PTPRN2: variants seen among roughly 807,000 people sequenced by gnomAD.
The protein encoded by PTPRN2 is protein tyrosine phosphatase receptor type N2.
Under a neutral mutation model 118.8 loss-of-function variants are expected in PTPRN2, and 74 were observed. The ratio of observed to expected loss-of-function variants is 0.62; its 90% CI spans 0.52 to 0.76. PTPRN2 has a LOEUF of 0.76. Among genes scored for constraint, PTPRN2 ranks in the 30% least tolerant of loss-of-function variants. The pLI, the probability that PTPRN2 is intolerant of heterozygous loss-of-function variation, is 0.00. For missense variants in PTPRN2, 1,481 were observed against 1,394.4 expected (o/e 1.06, Z -0.99); for synonymous variants, 641 against 608.0 (o/e 1.05, Z -0.80).
chr7:158,235,942 G>A (rs1239954702), intron 3 of PTPRN2, among the ~76,000 whole-genome samples: 1 of 152,162 alleles, frequency 6.6e-6, no homozygotes, highest in Non-Finnish European at 1.5e-5. Context: ...GCAGGAAGCA[G>A]CCGGTGTGAC....
intron 10 of PTPRN2, among the ~76,000 whole-genome samples, chr7:158,085,044 GACA>G (rs1196654273): frequency 1.7e-5 from 2 of 117,530 alleles, no homozygotes; most frequent in South Asian, 2.9e-4. Flanking sequence ...CCACACCCAC[GACA>G]CCCATCCACA....
At chr7:158,246,083 A>G (rs1470172765) in intron 3 of PTPRN2, among the ~76,000 whole-genome samples, 2 of 152,034 alleles carry the variant, frequency 1.3e-5, no homozygotes, top group Non-Finnish European at 2.9e-5. Context: ...ATTGTGTGAA[A>G]CCAAAATTCA....
At chr7:158,146,310 T>C (rs1366415667) in intron 6 of PTPRN2, among the ~76,000 whole-genome samples, 1 of 152,058 alleles carries the variant, frequency 6.6e-6, no homozygotes. Flanking sequence ...AATATGAACC[T>C]CTCATTAAAG....
At chr7:157,612,838 G>T (rs1802453992) in intron 15 of PTPRN2, among the ~76,000 whole-genome samples, 3 of 152,340 alleles carry the variant, frequency 2.0e-5, no homozygotes, top group South Asian at 4.1e-4. Context: ...CATCCACAGA[G>T]GCGCTGGGGT....
rs938306109 is a variant in PTPRN2, at chr7:157,801,341, G to A, written c.1788+97332C>T. ...AGGCAGGATGAACGGCCTCATCCAC[G>A]GAGCACTGCTTTGCCGTCTCCAGAA... On this transcript the variant is annotated intron_variant, in intron 12 of 22. Transcript: ENST00000389418. This position sits in a 1 kb window ranked among gnomAD's most constrained non-coding sequence, Gnocchi z 4.2. Among the ~76,000 whole-genome samples, 2 of 152,118 alleles carry A rather than the reference G, an allele frequency of 1.3e-5. No individual in the cohort carries two copies. The highest frequency in any genetic ancestry group is 2.4e-5 in the African/African-American group (1 of 41,394).
chr7:157,751,472 A>G (rs1443892796), intron 12 of PTPRN2, among the ~76,000 whole-genome samples: 2 of 152,182 alleles, frequency 1.3e-5, no homozygotes, highest in African/African-American at 2.4e-5. Context: ...GAAAGCCGGC[A>G]GCTCGCAGGA....
chr7:157,896,879 G>A (rs1797160887), intron 12 of PTPRN2, among the ~76,000 whole-genome samples: 1 of 152,068 alleles, frequency 6.6e-6, no homozygotes, highest in Non-Finnish European at 1.5e-5. Context: ...TGGACACCAG[G>A]CACCACACTT....
chr7:158,165,884 T>C (rs980490034), intron 6 of PTPRN2, among the ~76,000 whole-genome samples: 7 of 152,166 alleles, frequency 4.6e-5, no homozygotes, highest in Non-Finnish European at 7.4e-5. Context: ...AGCCACGGTC[T>C]TGGCAGAGCA....
chr7:158,189,040 G>A (rs2150693011), intron 5 of PTPRN2, among the ~76,000 whole-genome samples: 1 of 152,250 alleles, frequency 6.6e-6, no homozygotes, highest in Middle Eastern at 3.4e-3. Flanking sequence ...CTTTCCCCAG[G>A]GGCTGCTATG....
rs1563116409 is a variant in PTPRN2, at chr7:157,794,423, G to A, written c.1788+104250C>T. On this transcript the variant is annotated intron_variant, in intron 12 of 22. Coordinates refer to ENST00000389418, the MANE Select transcript of PTPRN2 (RefSeq NM_002847.5). The surrounding 1 kb of genome is among the most constrained non-coding windows in gnomAD (Gnocchi z 5.2). ...GGTGACCAATTATAGCGTCGACGAT[G>A]GCAGCTTCCCTCTGAAAGCCCATTG... 6.6e-6 allele frequency among the ~76,000 whole-genome samples: 1 copy of A among 152,218 alleles called. No individual in the cohort carries two copies. The highest frequency in any genetic ancestry group is 1.5e-5 in the Non-Finnish European group (1 of 68,046).
At position 157,878,745 on chromosome 7, in the gene PTPRN2, C is replaced by T. The variant is rs113367822; in HGVS notation, c.1788+19928G>A. ...AGCTCTCGGATTCCATGGGGCTGGA[C>T]GGGTCAGTGTGATACCGTGCACCCA... On this transcript the variant is annotated intron_variant, in intron 12 of 22. Transcript: ENST00000389418. 6.1e-5 allele frequency among the ~76,000 whole-genome samples: 6 copies of T among 98,006 alleles called. 1 individual carries two copies. The highest frequency in any genetic ancestry group is 2.2e-4 in the African/African-American group (5 of 22,474). 64.3% of individuals were successfully genotyped at this position (98,006 alleles called of 152,430 possible). A position where few individuals can be genotyped will look rare whatever the true frequency, so the allele number is the denominator to read the frequency against.
chr7:158,181,125 G>A (rs1824667881), intron 5 of PTPRN2, among the ~76,000 whole-genome samples: 1 of 152,100 alleles, frequency 6.6e-6, no homozygotes, highest in Non-Finnish European at 1.5e-5. Flanking sequence ...TCTGTGCCGA[G>A]TTTGTTGAGA....
At chr7:157,715,684 A>G (rs1485418102) in intron 12 of PTPRN2, among the ~76,000 whole-genome samples, 6 of 152,214 alleles carry the variant, frequency 3.9e-5, no homozygotes, top group African/African-American at 1.4e-4. Context: ...AAATCCACTC[A>G]GCGCCAGACT....
At chr7:157,727,985 T>C (rs1325291438) in intron 12 of PTPRN2, among the ~76,000 whole-genome samples, 1 of 152,170 alleles carries the variant, frequency 6.6e-6, no homozygotes, top group Non-Finnish European at 1.5e-5. Flanking sequence ...CTATGGGGCA[T>C]CTGTGGGCCC....
At chr7:158,498,633 G>A (rs1344445243) in intron 1 of PTPRN2, among the ~76,000 whole-genome samples, 3 of 152,202 alleles carry the variant, frequency 2.0e-5, no homozygotes, top group Admixed American at 6.5e-5. Context: ...GATGTTTGCT[G>A]AGTCATTCTT....
intron 11 of PTPRN2, among the ~76,000 whole-genome samples, chr7:157,963,083 G>A (rs1325116535): frequency 6.6e-6 from 1 of 152,234 alleles, no homozygotes; most frequent in African/African-American, 2.4e-5. Flanking sequence ...CCAGCGCAGC[G>A]CCCAGCACAG....
At chr7:157,849,495 C>A (rs199703122) in intron 12 of PTPRN2, among the ~76,000 whole-genome samples, 1 of 152,306 alleles carries the variant, frequency 6.6e-6, no homozygotes. Context: ...TGCAGCCCCA[C>A]GCCACTCAGA....
intron 6 of PTPRN2, among the ~76,000 whole-genome samples, chr7:158,150,229 GA>G (rs1178697221): frequency 6.6e-6 from 1 of 152,234 alleles, no homozygotes; most frequent in Non-Finnish European, 1.5e-5. Context: ...GGCCAAGGCA[GA>G]AAAATAGATG....
intron 13 of PTPRN2, among the ~76,000 whole-genome samples, chr7:157,664,630 G>C (rs1236282962): frequency 6.6e-6 from 1 of 151,920 alleles, no homozygotes; most frequent in African/African-American, 2.4e-5. Context: ...GTGGTGGCGT[G>C]CACCTGTACT....
Sources: gnomAD v4.1 joint callset for allele counts (sites outside exome capture counted in the v4.1 genomes callset) on GRCh38, gnomAD v4.1.1 for gene constraint, Gnocchi (gnomAD v3.1) non-coding constraint, MANE v1.5 for transcripts, NCBI Gene and HGNC (gene_info 2026-07-23, HGNC 2026-07-21) for gene names.